The following LRRTM4 variants were observed in gnomAD, a reference collection of about 807,000 sequenced individuals.
The protein encoded by LRRTM4 is leucine-rich repeat transmembrane neuronal protein 4.
A neutral mutation model predicts 47.6 loss-of-function variants in LRRTM4; 25 were observed. That is an observed-to-expected ratio of 0.53 (90% CI 0.38 to 0.73). LRRTM4 has a LOEUF of 0.73. LRRTM4 is among the 30% of genes least tolerant of loss of function. The pLI is 0.00. For synonymous variants in LRRTM4, 311 were observed against 269.5 expected, an observed-to-expected ratio of 1.15 and a Z score of -1.51; for missense variants, 638 against 713.4, an observed-to-expected ratio of 0.89 and a Z score of 1.20.
chr2:76,890,892 C>T (rs2104155477), intron 3 of LRRTM4, among the ~76,000 whole-genome samples: 1 of 151,930 alleles, frequency 6.6e-6, no homozygotes, highest in East Asian at 1.9e-4. Flanking sequence ...AATAAGGGTA[C>T]AGAGGCGTAA....
intron 3 of LRRTM4, among the ~76,000 whole-genome samples, chr2:77,036,083 C>G (rs1268578304): frequency 6.6e-6 from 1 of 151,738 alleles, no homozygotes; most frequent in Non-Finnish European, 1.5e-5. Context: ...AAATTGATAA[C>G]TTATGCATAT....
intron 3 of LRRTM4, among the ~76,000 whole-genome samples, chr2:77,103,647 G>GTGTATATATATATATA (rs1553389655): frequency 8.1e-6 from 1 of 124,118 alleles, no homozygotes; most frequent in African/African-American, 3.3e-5. Context: ...ATACATGAGT[G>GTGTATATATATATATA]TATATATATA....
At chr2:76,772,372 A>G (rs558908024) in intron 3 of LRRTM4, among the ~76,000 whole-genome samples, 1 of 152,308 alleles carries the variant, frequency 6.6e-6, no homozygotes, top group African/African-American at 2.4e-5. Context: ...AGCAGCCTGA[A>G]CAGACTAAGA....
chr2:77,444,911 T>G (rs1283294066), intron 3 of LRRTM4, among the ~76,000 whole-genome samples: 1 of 144,598 alleles, frequency 6.9e-6, no homozygotes, highest in African/African-American at 2.6e-5. Flanking sequence ...CCTAAGCACA[T>G]AGGCTCTGTC....
At chr2:77,331,758 C>T (rs1013795693) in intron 3 of LRRTM4, among the ~76,000 whole-genome samples, 9 of 152,098 alleles carry the variant, frequency 5.9e-5, no homozygotes, top group Non-Finnish European at 8.8e-5. Context: ...ATGATTACTT[C>T]TATTCTGACA....
chr2:77,190,668 C>A (rs190800441), intron 3 of LRRTM4, among the ~76,000 whole-genome samples: 41 of 152,202 alleles, frequency 2.7e-4, no homozygotes, highest in South Asian at 6.2e-4. Context: ...GCTGGCCATG[C>A]ATTCTTTCAT....
chr2:76,891,273 G>C (rs1443645730), intron 3 of LRRTM4, among the ~76,000 whole-genome samples: 1 of 151,814 alleles, frequency 6.6e-6, no homozygotes, highest in Non-Finnish European at 1.5e-5. Flanking sequence ...AGGAAATTTA[G>C]CTGACCAACT....
At position 76,873,506 on chromosome 2, in the gene LRRTM4, G is replaced by GTGTATATATATATATATATA. The variant is rs367573475; in HGVS notation, c.1552-124591_1552-124590insTATATATATATATATATACA. Among the ~76,000 whole-genome samples, 176 of 112,278 alleles carry GTGTATATATATATATATATA rather than the reference G, an allele frequency of 1.6e-3. 5 individuals carry two copies. Among genetic ancestry groups the GTGTATATATATATATATATA allele is most frequent in the South Asian group, 8.6e-3 (31 of 3,588 alleles). 73.7% of individuals were successfully genotyped at this position (112,278 alleles called of 152,430 possible). On this transcript the variant is annotated intron_variant, in intron 3 of 3. Transcript: ENST00000409884. ...TATGTGTGTGTGTATATATATGTGT[G>GTGTATATATATATATATATA]TATATATATATATATATATATATAT...
At chr2:76,794,160 A>G (rs1422295535) in intron 3 of LRRTM4, among the ~76,000 whole-genome samples, 1 of 152,204 alleles carries the variant, frequency 6.6e-6, no homozygotes, top group Non-Finnish European at 1.5e-5. Context: ...TATGTAGGCC[A>G]GAGGTGAGTT....
intron 3 of LRRTM4, among the ~76,000 whole-genome samples, chr2:77,038,919 T>C (rs1678933861): frequency 6.6e-6 from 1 of 151,332 alleles, no homozygotes; most frequent in East Asian, 1.9e-4. Context: ...GTGGCATTGC[T>C]CTTATTATAT....
chr2:76,825,043 G>A (rs1671154029), intron 3 of LRRTM4, among the ~76,000 whole-genome samples: 1 of 151,504 alleles, frequency 6.6e-6, no homozygotes, highest in Non-Finnish European at 1.5e-5. Context: ...TTTTTCAAGT[G>A]CTGGGATACG....
At chr2:77,071,247 A>G (rs1197295951) in intron 3 of LRRTM4, among the ~76,000 whole-genome samples, 1 of 152,188 alleles carries the variant, frequency 6.6e-6, no homozygotes, top group Admixed American at 6.5e-5. Flanking sequence ...TACATAACTT[A>G]AACTTTAATT....
At chr2:76,995,982 TGTA>T (rs1677187840) in intron 3 of LRRTM4, among the ~76,000 whole-genome samples, 1 of 152,018 alleles carries the variant, frequency 6.6e-6, no homozygotes, top group South Asian at 2.1e-4. Context: ...ATGCAGATAA[TGTA>T]GTATTTTTTA....
At chr2:77,252,928 C>T (rs1675661197) in intron 3 of LRRTM4, among the ~76,000 whole-genome samples, 1 of 152,074 alleles carries the variant, frequency 6.6e-6, no homozygotes, top group Non-Finnish European at 1.5e-5. Context: ...CTTCCTATGC[C>T]TTCATATGGT....
intron 3 of LRRTM4, among the ~76,000 whole-genome samples, chr2:77,024,316 T>A (rs908686225): frequency 6.6e-6 from 1 of 152,196 alleles, no homozygotes; most frequent in East Asian, 1.9e-4. Flanking sequence ...AGATTCCACA[T>A]GTAAGTGAGA....
chr2:77,300,817 T>C (rs1368670229), intron 3 of LRRTM4, among the ~76,000 whole-genome samples: 1 of 152,132 alleles, frequency 6.6e-6, no homozygotes, highest in African/African-American at 2.4e-5. Context: ...ACTTGTATTA[T>C]TTAATATATG....
At chr2:77,487,018 C>G (rs560113739) in intron 3 of LRRTM4, among the ~76,000 whole-genome samples, 96 of 152,320 alleles carry the variant, frequency 6.3e-4, no homozygotes, top group Non-Finnish European at 1.1e-3. Context: ...CTTCCTCTAA[C>G]ATATCAATAC....
intron 3 of LRRTM4, among the ~76,000 whole-genome samples, chr2:77,130,826 T>A (rs1157497748): frequency 1.4e-5 from 1 of 74,034 alleles, no homozygotes; most frequent in Non-Finnish European, 2.6e-5. Flanking sequence ...TTTGTTCTAT[T>A]TTTTTTTTTT....
chr2:76,790,660 T>C (rs999967964), intron 3 of LRRTM4, among the ~76,000 whole-genome samples: 6 of 152,132 alleles, frequency 3.9e-5, no homozygotes, highest in Non-Finnish European at 8.8e-5. Flanking sequence ...GCATCTGAAT[T>C]TGGGGAACAG....
Sources: gnomAD v4.1 joint callset for allele counts (sites outside exome capture counted in the v4.1 genomes callset) on GRCh38, gnomAD v4.1.1 for gene constraint, MANE v1.5 for transcripts, NCBI Gene and HGNC (gene_info 2026-07-23, HGNC 2026-07-21) for gene names.